Variants in ADSS1 observed in about 807,000 individuals in gnomAD.
ADSS1 encodes adenylosuccinate synthase 1, also known as adenylosuccinate synthetase isozyme 1.
ADSS1 carries 57 observed loss-of-function variants against 59.1 expected under a neutral mutation model. The observed-to-expected ratio is 0.97, with a 90% CI of 0.78 to 1.20. ADSS1 has a LOEUF of 1.20. Ranked by LOEUF, ADSS1 falls within the 50% of genes most tolerant of loss-of-function variation. ADSS1 has a pLI of 0.00. For missense variants in ADSS1, 603 were observed against 610.3 expected, an observed-to-expected ratio of 0.99 and a Z score of 0.13; for synonymous variants, 247 against 249.4, an observed-to-expected ratio of 0.99 and a Z score of 0.09.
At chr14:104,726,113 C>A (rs1339635915) in intron 1 of ADSS1, among the ~76,000 whole-genome samples, 1 of 152,234 alleles carries the variant, frequency 6.6e-6, no homozygotes, top group African/African-American at 2.4e-5. Flanking sequence ...ACCAGGCCAC[C>A]CTATAGCCTG....
chr14:104,743,934 G>C (rs554106977), intron 10 of ADSS1, among the ~76,000 whole-genome samples: 1 of 152,248 alleles, frequency 6.6e-6, no homozygotes, highest in South Asian at 2.1e-4. Flanking sequence ...GGCAGGGTCA[G>C]CAGTGCTCAG....
intron 1 of ADSS1, among the ~76,000 whole-genome samples, chr14:104,729,013 TG>T (rs1183135137): frequency 1.3e-5 from 2 of 152,034 alleles, no homozygotes; most frequent in Non-Finnish European, 2.9e-5. Flanking sequence ...GCTAACGCTG[TG>T]GGGAGGAGAA....
chr14:104,725,529 C>G (rs919144014), intron 1 of ADSS1, among the ~76,000 whole-genome samples: 1 of 152,062 alleles, frequency 6.6e-6, no homozygotes, highest in Non-Finnish European at 1.5e-5. Flanking sequence ...CTGTCCGAGC[C>G]CCTCCTGCCG....
chr14:104,741,002 C>T (rs1430273888), intron 7 of ADSS1, 82 bp downstream of exon 7: 15 of 1,607,832 alleles, frequency 9.3e-6, no homozygotes, highest in Non-Finnish European at 1.2e-5. Context: ...TCGTTGAACA[C>T]CCTTGGGGCA....
chr14:104,731,968 C>T (rs747805824), intron 1 of ADSS1, among the ~76,000 whole-genome samples: 14 of 152,314 alleles, frequency 9.2e-5, no homozygotes, highest in African/African-American at 2.6e-4. Flanking sequence ...GGCACCAGTG[C>T]GTCTGTGCAA....
At position 104,746,341 on chromosome 14, in the gene ADSS1, C is replaced by G. The variant is rs1470279728; in HGVS notation, c.1277C>G (p.Ala426Gly). Residue 426 changes from alanine to glycine, a missense_variant, in exon 12 of 13, where the codon GCC becomes GGC. By Grantham distance (60) the Ala-to-Gly change is moderately conservative. Transcript: ENST00000330877. Reference sequence around the variant, plus strand: ...AGGTGGGAGGACCTGCCCCCACAGGCCCAGAACTACATCCGCTTTGTGGAG... The same window carrying G: ...AGGTGGGAGGACCTGCCCCCACAGGGCCAGAACTACATCCGCTTTGTGGAG... ...ARRWEDLPPQ[A>G]QNYIRFVENH... 6 of 1,613,650 alleles carry G rather than the reference C, an allele frequency of 3.7e-6. No homozygotes were observed. The East Asian group carries it at 1.3e-4, about 36-fold the overall frequency.
At chr14:104,731,348 C>A (rs151083931) in intron 1 of ADSS1, among the ~76,000 whole-genome samples, 39 of 152,334 alleles carry the variant, frequency 2.6e-4, no homozygotes, top group African/African-American at 8.9e-4. Context: ...TGACAGCACC[C>A]CCTAGAGTTG....
Position 104,724,308 on chromosome 14 carries a change from G to A in ADSS1, c.38G>A (p.Gly13Asp). Residue 13 changes from glycine to aspartate, a missense_variant, in exon 1 of 13, where the codon GGC (glycine) becomes GAC (aspartate). Coordinates refer to ENST00000330877, the MANE Select transcript of ADSS1 (RefSeq NM_152328.5). ...CGAGCCTCCAACGACCGGCCCCCCG[G>A]CGCAGGCGGCGTCAAGCGGGGGCGG... ...GTRASNDRPPGAGGVKRGRLQ... is the reference protein window; with the variant it reads ...GTRASNDRPPDAGGVKRGRLQ... 5 of 1,234,818 alleles carry A rather than the reference G, an allele frequency of 4.0e-6. No homozygotes were observed. The highest frequency in any genetic ancestry group is 5.1e-6 in the Non-Finnish European group (5 of 987,006). 76.5% of individuals were successfully genotyped at this position (1,234,818 alleles called of 1,614,324 possible).
chr14:104,735,007 GT>G lies in ADSS1; in HGVS notation c.193-10del, dbSNP rs558056310. 9.3e-4 allele frequency: 1,495 copies of G among 1,610,740 alleles called. 1 individual carries two copies. The highest frequency in any genetic ancestry group is 1.2e-3 in the Non-Finnish European group (1,395 of 1,177,444). Reference sequence around the variant, plus strand: ...ACCCAAGTGCCTTCAGCTCAGCCGGGTTTCTGTTCCAGGGGGGCAACAACGC... The same window carrying G: ...ACCCAAGTGCCTTCAGCTCAGCCGGGTTCTGTTCCAGGGGGGCAACAACGC... On this transcript the variant is annotated splice_polypyrimidine_tract_variant and intron_variant, in intron 1 of 12. Coordinates refer to ENST00000330877, the MANE Select transcript of ADSS1 (RefSeq NM_152328.5).
At chr14:104,734,979 AG>A (rs749516224) in intron 1 of ADSS1, 40 bp from the exon 2 acceptor site, 1 of 1,578,600 alleles carries the variant, frequency 6.3e-7, no homozygotes, top group African/African-American at 1.3e-5. Context: ...GGGGGTCCTC[AG>A]TACCCAAGTG....
rs767474810 is a variant in ADSS1, at chr14:104,741,914, C to G, written c.860C>G (p.Pro287Arg). The G allele has an allele frequency of 6.2e-7, 1 of 1,613,550 alleles. No individual in the cohort carries two copies. The highest frequency in any genetic ancestry group is 8.5e-7 in the Non-Finnish European group (1 of 1,180,010). ...VGGVCTGLGIPPQNIGDVYGV... is the reference protein window; with the variant it reads ...VGGVCTGLGIRPQNIGDVYGV... ...GGTGTGTGCACGGGCCTGGGCATCC[C>G]CCCGCAGAACATAGGTGACGTGTAT... Residue 287 changes from proline (P) to arginine (R), a missense_variant, in exon 9 of 13, where the codon CCC (proline) becomes CGC (arginine). Coordinates refer to ENST00000330877, the MANE Select transcript of ADSS1 (RefSeq NM_152328.5).
At chr14:104,724,685 C>T (rs186885771) in intron 1 of ADSS1, among the ~76,000 whole-genome samples, 101 of 152,208 alleles carry the variant, frequency 6.6e-4, no homozygotes, top group African/African-American at 2.0e-3. Context: ...ACCCCTACTC[C>T]ACCACCCCGG....
At chr14:104,742,152 G>C in intron 9 of ADSS1, 150 bp downstream of exon 9, 2 of 1,217,390 alleles carry the variant, frequency 1.6e-6, no homozygotes, top group Non-Finnish European at 2.3e-6. Flanking sequence ...CTGCCGTGCA[G>C]GCCAGGGGAG....
In ADSS1 at chr14:104,746,286, G is replaced by C; in HGVS notation, c.1222G>C (p.Gly408Arg). The C allele has an allele frequency of 4.3e-6, 7 of 1,613,718 alleles. No homozygotes were observed. The highest frequency in any genetic ancestry group is 5.9e-6 in the Non-Finnish European group (7 of 1,179,876). Residue 408 changes from glycine (G) to arginine (R), a missense_variant, in exon 12 of 13, where the codon GGG becomes CGG. Transcript: ENST00000330877. ...KVEVEYETLP[G>R]WKADTTGARR... ...CGAAGTTGAGTATGAAACGCTGCCT[G>C]GGTGGAAAGCAGACACCACAGGCGC... is the stretch of plus-strand genomic sequence containing the variant.
At chr14:104,735,150 G>T (rs1251372755) in intron 2 of ADSS1, 28 bp downstream of exon 2, 1 of 1,570,314 alleles carries the variant, frequency 6.4e-7, no homozygotes, top group African/African-American at 1.4e-5. Flanking sequence ...ACCTGTGTGT[G>T]AGCAGGAAAG....
In ADSS1 at chr14:104,725,482, C is replaced by T. The variant is rs148971470; in HGVS notation, c.192+1020C>T. On this transcript the variant is annotated intron_variant, in intron 1 of 12. Transcript: ENST00000330877. ...CAGAGAGGAGGGCTGGGGCCCAAGA[C>T]GAAGGGAGTCAGCCCAGCACCCTGT... Among the ~76,000 whole-genome samples the T allele has an allele frequency of 9.4e-3, 1,420 of 151,466 alleles. 11 individuals are homozygous for T. Among genetic ancestry groups the T allele is most frequent in the Admixed American group, 0.015 (225 of 15,272 alleles).
At chr14:104,746,786 A>G in intron 12 of ADSS1, 165 bp from the exon 13 acceptor site, 1 of 702,508 alleles carries the variant, frequency 1.4e-6, no homozygotes. Context: ...TCAGTCCCCC[A>G]ACATGCACTA....
intron 5 of ADSS1, 81 bp downstream of exon 5, chr14:104,739,897 G>T: frequency 6.7e-7 from 1 of 1,485,526 alleles, no homozygotes. Context: ...GTCTGGTCCT[G>T]GGCACAACGA....
intron 9 of ADSS1, 103 bp from the exon 10 acceptor site, chr14:104,742,964 A>C (rs1891424908): frequency 1.3e-6 from 2 of 1,544,264 alleles, no homozygotes; most frequent in African/African-American, 2.7e-5. Context: ...GGGCACCCTC[A>C]GGGATTCTGA....
Sources: gnomAD v4.1 joint callset for allele counts (sites outside exome capture counted in the v4.1 genomes callset) on GRCh38, gnomAD v4.1.1 for gene constraint, MANE v1.5 for transcripts, NCBI Gene and HGNC (gene_info 2026-07-23, HGNC 2026-07-21) for gene names.